The following ERG variants were observed in gnomAD, a reference collection of about 807,000 sequenced individuals.
ERG encodes transcriptional regulator ERG.
Under a neutral mutation model 55.3 loss-of-function variants are expected in ERG, and 9 were observed. The ratio of observed to expected loss-of-function variants is 0.16; its 90% CI spans 0.10 to 0.28. ERG has a LOEUF of 0.28. Ranked by LOEUF, ERG falls within the 10% of genes least tolerant of loss-of-function variation. The pLI, the probability that ERG is intolerant of heterozygous loss-of-function variation, is 1.00. For missense variants in ERG, 434 were observed against 631.6 expected (o/e 0.69, Z 3.35); for synonymous variants, 223 against 237.3 (o/e 0.94, Z 0.55).
chr21:38,549,475 C>T (rs1052506207), intron 2 of ERG, among the ~76,000 whole-genome samples: 2 of 152,188 alleles, frequency 1.3e-5, no homozygotes, highest in African/African-American at 2.4e-5. Context: ...TCTAGATGTT[C>T]AATCTACTTT....
chr21:38,442,316 C>A (rs1478321484), intron 2 of ERG, among the ~76,000 whole-genome samples: 1 of 151,594 alleles, frequency 6.6e-6, no homozygotes, highest in Non-Finnish European at 1.5e-5. Context: ...GTCGCTTGAA[C>A]CCCGGGGGGT....
intron 1 of ERG, among the ~76,000 whole-genome samples, chr21:38,478,502 G>A (rs543325022): frequency 1.8e-4 from 27 of 152,236 alleles, no homozygotes; most frequent in East Asian, 1.9e-4. Flanking sequence ...CTATGGGCAC[G>A]TGAGCTGACC....
intron 2 of ERG, among the ~76,000 whole-genome samples, chr21:38,573,093 C>A (rs1225629390): frequency 6.6e-6 from 1 of 152,162 alleles, no homozygotes; most frequent in Non-Finnish European, 1.5e-5. Context: ...GCAGGACGTG[C>A]CTTGTTAACA....
intron 2 of ERG, among the ~76,000 whole-genome samples, chr21:38,549,326 A>G (rs965788299): frequency 6.6e-6 from 1 of 152,134 alleles, no homozygotes; most frequent in Non-Finnish European, 1.5e-5. Flanking sequence ...AAGGACCCCA[A>G]ACTATTGCAC....
At chr21:38,438,757 C>T (rs534549111) in intron 2 of ERG, among the ~76,000 whole-genome samples, 1 of 152,344 alleles carries the variant, frequency 6.6e-6, no homozygotes, top group East Asian at 1.9e-4. Flanking sequence ...CCTCCCAGAT[C>T]ATTCGCTGGG....
intron 2 of ERG, among the ~76,000 whole-genome samples, chr21:38,568,711 G>C (rs1479334090): frequency 6.6e-6 from 1 of 152,170 alleles, no homozygotes; most frequent in African/African-American, 2.4e-5. Flanking sequence ...AGTATCTAGT[G>C]ATTAGCTTAG....
At chr21:38,394,905 A>G (rs2146437132) in intron 6 of ERG, among the ~76,000 whole-genome samples, 1 of 152,340 alleles carries the variant, frequency 6.6e-6, no homozygotes, top group South Asian at 2.1e-4. Flanking sequence ...TACCTTAAAC[A>G]TAAAATTGTT....
chr21:38,456,070 C>A (rs954267824), intron 1 of ERG, among the ~76,000 whole-genome samples: 1 of 152,190 alleles, frequency 6.6e-6, no homozygotes, highest in African/African-American at 2.4e-5. Flanking sequence ...TCTAAGACTC[C>A]ATTTTGCACC....
At chr21:38,507,044 G>A (rs941468449) in intron 2 of ERG, among the ~76,000 whole-genome samples, 2 of 151,992 alleles carry the variant, frequency 1.3e-5, no homozygotes, top group African/African-American at 4.8e-5. Flanking sequence ...GTACATTCCG[G>A]TCCCAGCTTC....
chr21:38,548,670 T>C (rs2059803888), intron 2 of ERG, among the ~76,000 whole-genome samples: 1 of 145,508 alleles, frequency 6.9e-6, no homozygotes, highest in Admixed American at 6.9e-5. Context: ...TTGACCGTGT[T>C]AGCCAGGATG....
intron 1 of ERG, among the ~76,000 whole-genome samples, chr21:38,638,262 T>C (rs1207384326): frequency 2.0e-5 from 3 of 152,064 alleles, no homozygotes; most frequent in Non-Finnish European, 4.4e-5. Context: ...TCCCAGTGGG[T>C]TGTTGTGAGG....
At chr21:38,404,756 C>T (rs530474165) in intron 3 of ERG, among the ~76,000 whole-genome samples, 1 of 152,326 alleles carries the variant, frequency 6.6e-6, no homozygotes, top group South Asian at 2.1e-4. Context: ...CCTTAGGGGT[C>T]AGGCATGCCA....
intron 2 of ERG, among the ~76,000 whole-genome samples, chr21:38,430,307 A>C (rs973501689): frequency 2.6e-5 from 4 of 151,950 alleles, no homozygotes; most frequent in Non-Finnish European, 5.9e-5. Flanking sequence ...TCGATTCTGG[A>C]TATTAGTCCT....
intron 1 of ERG, among the ~76,000 whole-genome samples, chr21:38,606,578 A>G (rs1441637850): frequency 2.0e-5 from 3 of 152,226 alleles, no homozygotes; most frequent in Non-Finnish European, 4.4e-5. Context: ...AACAGCATGG[A>G]TAAAAGATCA....
rs145073224 is a variant in ERG at position 38,590,096 on chromosome 21, A to G, written c.-149-5151T>C. Among the ~76,000 whole-genome samples the G allele has an allele frequency of 8.2e-4, 125 of 152,336 alleles. 2 individuals are homozygous for G. Among genetic ancestry groups the G allele is most frequent in the African/African-American group, 2.7e-3 (114 of 41,582 alleles). On this transcript the variant is annotated intron_variant, in intron 1 of 10. Coordinates refer to the ERG transcript ENST00000398910. ...CAACACCGTATCTAAGAATTAGTAA[A>G]TAACTATTACCATGATAAGTGGCCT...
chr21:38,474,949 T>C (rs539523987), intron 1 of ERG, among the ~76,000 whole-genome samples: 3 of 152,246 alleles, frequency 2.0e-5, no homozygotes, highest in Admixed American at 2.0e-4. Flanking sequence ...CTAAAAGACA[T>C]GCACATGTGA....
intron 1 of ERG, among the ~76,000 whole-genome samples, chr21:38,647,355 C>T (rs187241262): frequency 1.2e-4 from 19 of 152,250 alleles, no homozygotes; most frequent in African/African-American, 3.9e-4. Flanking sequence ...ATTGGCATTT[C>T]GTATTTAAGC....
chr21:38,559,383 C>CCTT (rs1057412459), intron 2 of ERG, among the ~76,000 whole-genome samples: 1 of 92,076 alleles, frequency 1.1e-5, no homozygotes, highest in African/African-American at 4.8e-5. Context: ...TCCCATTTCC[C>CCTT]TTTTTTTTTT....
chr21:38,565,250 C>A (rs115548393), intron 2 of ERG, among the ~76,000 whole-genome samples: 1,892 of 152,270 alleles, frequency 0.012, 47 homozygotes, highest in African/African-American at 0.043. Context: ...AATTGGTCTT[C>A]CCTGTTTCAA....
Sources: allele counts gnomAD v4.1 joint callset (sites outside exome capture counted in the v4.1 genomes callset), GRCh38; gene constraint gnomAD v4.1.1; transcripts MANE v1.5; gene names NCBI Gene and HGNC (gene_info 2026-07-23, HGNC 2026-07-21).